Variants in OSBPL8 observed in about 807,000 individuals in gnomAD.
OSBPL8 encodes the protein oxysterol binding protein like 8, also known as oxysterol-binding protein-related protein 8.
OSBPL8 carries 59 observed loss-of-function variants against 125.5 expected under a neutral mutation model. That is an observed-to-expected ratio of 0.47 (90% CI 0.38 to 0.58). The LOEUF (loss-of-function observed/expected upper bound fraction) is 0.58, where lower values mean the gene tolerates loss of function less well. OSBPL8 is among the 20% of genes least tolerant of loss of function. The pLI is 0.00. For synonymous variants in OSBPL8, 330 were observed against 338.9 expected, an observed-to-expected ratio of 0.97 and a Z score of 0.29; for missense variants, 758 against 1,047.8, an observed-to-expected ratio of 0.72 and a Z score of 3.82.
At position 76,523,870 on chromosome 12, in the gene OSBPL8, A is replaced by G. The variant is rs116708986; in HGVS notation, c.-68+35527T>C. Among the ~76,000 whole-genome samples the G allele has an allele frequency of 3.9e-3, 594 of 152,298 alleles. 3 individuals carry two copies. The highest frequency in any genetic ancestry group is 0.014 in the African/African-American group (569 of 41,552). ...CACTTCCAAGAAAAAGAAAACTTAA[A>G]TAGCAATATAACTCTTCATTTAACT... On this transcript the variant is annotated intron_variant, in intron 1 of 23. Transcript: ENST00000261183.
chr12:76,553,871 G>A (rs1210988925), intron 1 of OSBPL8, among the ~76,000 whole-genome samples: 1 of 150,426 alleles, frequency 6.6e-6, no homozygotes, highest in Non-Finnish European at 1.5e-5. Context: ...CAGCTACTCA[G>A]GAGGCTCAGG....
chr12:76,528,216 G>A (rs1950231096), intron 1 of OSBPL8, among the ~76,000 whole-genome samples: 1 of 151,780 alleles, frequency 6.6e-6, no homozygotes, highest in Admixed American at 6.6e-5. Flanking sequence ...AGCTACCTGG[G>A]ATGCTGAGGC....
intron 7 of OSBPL8, among the ~76,000 whole-genome samples, chr12:76,398,827 C>A (rs1231633472): frequency 1.3e-5 from 2 of 151,940 alleles, no homozygotes; most frequent in Non-Finnish European, 2.9e-5. Flanking sequence ...ATCTAAGATA[C>A]ATGTATATGT....
intron 4 of OSBPL8, among the ~76,000 whole-genome samples, chr12:76,436,470 C>T (rs1372963175): frequency 6.6e-6 from 1 of 151,718 alleles, no homozygotes; most frequent in East Asian, 1.9e-4. Context: ...ATTCCACCCC[C>T]CCGCCCAATA....
At chr12:76,441,137 G>A (rs919956673) in intron 4 of OSBPL8, among the ~76,000 whole-genome samples, 8 of 151,998 alleles carry the variant, frequency 5.3e-5, no homozygotes, top group South Asian at 2.1e-4. Context: ...CAGGAGCTGC[G>A]AAAATCATCT....
intron 2 of OSBPL8, among the ~76,000 whole-genome samples, chr12:76,473,820 CT>C (rs771284450): frequency 8.5e-5 from 13 of 152,200 alleles, no homozygotes; most frequent in Non-Finnish European, 1.3e-4. Context: ...AGGTTCACCC[CT>C]GGAGCCAAAA....
At chr12:76,439,416 C>T (rs1167579124) in intron 4 of OSBPL8, among the ~76,000 whole-genome samples, 1 of 151,668 alleles carries the variant, frequency 6.6e-6, no homozygotes, top group Non-Finnish European at 1.5e-5. Context: ...ATTCCAAACT[C>T]AGAATGATTT....
chr12:76,502,428 T>C (rs1304153703), intron 1 of OSBPL8, among the ~76,000 whole-genome samples: 1 of 152,160 alleles, frequency 6.6e-6, no homozygotes, highest in African/African-American at 2.4e-5. Context: ...AAGGTCCCCA[T>C]GCCTCTGAAT....
At chr12:76,389,875 A>G (rs774992982) in intron 11 of OSBPL8, 46 bp from the exon 12 acceptor site, 15 of 1,378,020 alleles carry the variant, frequency 1.1e-5, no homozygotes, top group Non-Finnish European at 1.4e-5. Flanking sequence ...TTTATTTCAG[A>G]CAGATATGTA....
chr12:76,557,658 T>G (rs558580420), intron 1 of OSBPL8, among the ~76,000 whole-genome samples: 2 of 151,664 alleles, frequency 1.3e-5, no homozygotes, highest in African/African-American at 4.8e-5. Flanking sequence ...ATTTTACAAA[T>G]TCATAATTTC....
intron 22 of OSBPL8, 34 bp downstream of exon 22, chr12:76,358,672 T>C (rs750680045): frequency 2.7e-6 from 4 of 1,496,004 alleles, no homozygotes; most frequent in Non-Finnish European, 3.7e-6. Flanking sequence ...ATTAAAAAGT[T>C]AGACTCTCAT....
intron 15 of OSBPL8, among the ~76,000 whole-genome samples, chr12:76,383,271 T>C (rs965290142): frequency 1.7e-4 from 26 of 151,650 alleles, no homozygotes; most frequent in African/African-American, 6.1e-4. Flanking sequence ...ATTTATACTA[T>C]AGTCAGGGTA....
intron 4 of OSBPL8, among the ~76,000 whole-genome samples, chr12:76,428,504 A>G (rs1870425202): frequency 7.9e-5 from 12 of 152,154 alleles, no homozygotes; most frequent in Admixed American, 7.9e-4. Flanking sequence ...CTCATGATAA[A>G]AAAACATTGA....
At chr12:76,513,481 T>C (rs1030787570) in intron 1 of OSBPL8, among the ~76,000 whole-genome samples, 37 of 152,232 alleles carry the variant, frequency 2.4e-4, no homozygotes, top group African/African-American at 8.4e-4. Context: ...TGAATATCTT[T>C]AACTTTCTGC....
At chr12:76,464,893 A>G (rs1875209377) in intron 2 of OSBPL8, among the ~76,000 whole-genome samples, 1 of 152,222 alleles carries the variant, frequency 6.6e-6, no homozygotes. Context: ...TACAATTCAG[A>G]AAGAGTATAC....
At chr12:76,392,164 T>C (rs1221951396) in intron 10 of OSBPL8, among the ~76,000 whole-genome samples, 2 of 152,140 alleles carry the variant, frequency 1.3e-5, no homozygotes, top group Non-Finnish European at 2.9e-5. Flanking sequence ...CCAGTGCCAT[T>C]ACTAAAAACA....
intron 10 of OSBPL8, among the ~76,000 whole-genome samples, chr12:76,391,791 GA>G (rs1036909574): frequency 2.8e-5 from 4 of 144,686 alleles, no homozygotes; most frequent in Admixed American, 6.9e-5. Flanking sequence ...AATACAGACA[GA>G]AAAAAAAAAG....
At chr12:76,450,773 C>T in intron 4 of OSBPL8, 78 bp downstream of exon 4, 1 of 1,393,526 alleles carries the variant, frequency 7.2e-7, no homozygotes, top group Non-Finnish European at 9.7e-7. Context: ...ATGATAGTCC[C>T]CAAATGTCAT....
At chr12:76,394,012 C>G (rs980741938) in intron 9 of OSBPL8, among the ~76,000 whole-genome samples, 1 of 152,026 alleles carries the variant, frequency 6.6e-6, no homozygotes, top group Non-Finnish European at 1.5e-5. Flanking sequence ...GAGCGAGACT[C>G]CATCTCAAAA....
Sources: gnomAD v4.1 joint callset for allele counts (sites outside exome capture counted in the v4.1 genomes callset) on GRCh38, gnomAD v4.1.1 for gene constraint, MANE v1.5 for transcripts, NCBI Gene and HGNC (gene_info 2026-07-23, HGNC 2026-07-21) for gene names.